SYNM: variants seen among roughly 807,000 people sequenced by gnomAD.
SYNM encodes the protein desmuslin.
A neutral mutation model predicts 104.0 loss-of-function variants in SYNM; 95 were observed. The observed-to-expected ratio is 0.91, with a 90% CI of 0.77 to 1.08. The LOEUF (loss-of-function observed/expected upper bound fraction) is 1.08. SYNM is among the 50% of genes least tolerant of loss of function. The pLI is 0.00. For synonymous variants in SYNM, 918 were observed against 869.0 expected, an observed-to-expected ratio of 1.06 and a Z score of -0.99; for missense variants, 2,150 against 2,052.2, an observed-to-expected ratio of 1.05 and a Z score of -0.92.
chr15:99,129,729 G>GTCCCCGTTTACATAGGTGA lies in SYNM; in HGVS notation c.1370_1388dup (p.Glu463AspfsTer7). Reference sequence around the variant, plus strand: ...ACCAAAAGCCGGAGATACAAGGGAGGTCCCCGTTTACATAGGTGAAGATTC... The same window carrying GTCCCCGTTTACATAGGTGA: ...ACCAAAAGCCGGAGATACAAGGGAGGTCCCCGTTTACATAGGTGATCCCCGTTTACATAGGTGAAGATTC... On this transcript the variant is annotated frameshift_variant, in exon 4 of 4. Coordinates refer to ENST00000336292, the MANE Select transcript of SYNM (RefSeq NM_145728.3). LOFTEE classifies it low-confidence loss of function (END_TRUNC). 1 of 1,613,636 alleles carries GTCCCCGTTTACATAGGTGA rather than the reference G, an allele frequency of 6.2e-7. No individual in the cohort carries two copies. Among genetic ancestry groups the GTCCCCGTTTACATAGGTGA allele is most frequent in the Non-Finnish European group, 8.5e-7 (1 of 1,179,888 alleles).
Position 99,131,888 on chromosome 15 carries a change from G to A in SYNM, c.3528G>A (p.Leu1176=), listed in dbSNP as rs782745658. ...GCCGGTCTGTGAGGCATGTCACGCT[G>A]GGTCCCGGTCAAAGTCCACTGTCCA... ...GASRSVRHVT[L]GPGQSPLSRE... The change falls in exon 4 of 4, where the codon CTG becomes CTA. Residue 1176 remains leucine, a synonymous_variant. Coordinates refer to ENST00000336292, the MANE Select transcript of SYNM (RefSeq NM_145728.3). The surrounding 1 kb of genome is among the most constrained non-coding windows in gnomAD (Gnocchi z 4.3). 1.2e-6 allele frequency: 2 copies of A among 1,613,966 alleles called. No homozygotes were observed. Among genetic ancestry groups the A allele is most frequent in the Non-Finnish European group, 1.7e-6 (2 of 1,179,892 alleles).
intron 2 of SYNM, among the ~76,000 whole-genome samples, chr15:99,116,571 T>G (rs2067351560): frequency 7.0e-6 from 1 of 143,744 alleles, no homozygotes; most frequent in Non-Finnish European, 1.5e-5. Flanking sequence ...CTGCTCCTGG[T>G]GAAGCCTCAG....
chr15:99,112,772 A>G (rs781799289), intron 1 of SYNM, among the ~76,000 whole-genome samples: 2 of 152,156 alleles, frequency 1.3e-5, no homozygotes, highest in Non-Finnish European at 2.9e-5. Flanking sequence ...GTGCAGTGGC[A>G]TGATCTTGGC....
At position 99,132,937 on chromosome 15, in the gene SYNM, T is replaced by A. The variant is rs1555486247; in HGVS notation, c.4577T>A (p.Phe1526Tyr). The A allele has an allele frequency of 6.2e-7, 1 of 1,613,730 alleles. No homozygotes were observed. Among genetic ancestry groups the A allele is most frequent in the Non-Finnish European group, 8.5e-7 (1 of 1,179,830 alleles). The change falls in exon 4 of 4, where the codon TTT (phenylalanine) becomes TAT (tyrosine). Residue 1526 changes from phenylalanine (F) to tyrosine (Y), a missense_variant. Transcript: ENST00000336292. ...GAACAGGGCAAGGAGCAGGCCATGTTTGATAAGAAGGTGCAGCTCCAGAGA... is the reference window on the plus strand; with the variant it reads ...GAACAGGGCAAGGAGCAGGCCATGTATGATAAGAAGGTGCAGCTCCAGAGA... ...HREQGKEQAM[F>Y]DKKVQLQRMV...
intron 1 of SYNM, among the ~76,000 whole-genome samples, chr15:99,108,060 C>T (rs1054568624): frequency 9.2e-5 from 14 of 151,914 alleles, no homozygotes; most frequent in South Asian, 2.1e-4. Context: ...CCGCAACATC[C>T]GCTTCCTGGG....
At chr15:99,137,502 G>A (rs12439819), downstream of SYNM, 13,463 of 152,516 alleles carry the variant, frequency 0.088, 842 homozygotes, top group East Asian at 0.33. Flanking sequence ...GAACTCTGAG[G>A]CAGGCTGCAC....
intron 1 of SYNM, among the ~76,000 whole-genome samples, chr15:99,111,860 C>G (rs537026344): frequency 4.9e-4 from 75 of 152,302 alleles, no homozygotes; most frequent in African/African-American, 1.7e-3. Flanking sequence ...TCCTGGCCAA[C>G]GTGGTGAAAC....
At position 99,130,910 on chromosome 15, in the gene SYNM, C is replaced by T. The variant is rs147921446; in HGVS notation, c.2550C>T (p.Tyr850=). 1,129 of 1,613,786 alleles carry T rather than the reference C, an allele frequency of 7.0e-4. 11 individuals carry two copies. The African/African-American group carries it at 0.013, about 19-fold the overall frequency. Residue 850 remains tyrosine, a synonymous_variant, in exon 4 of 4, where the codon TAC becomes TAT. Transcript: ENST00000336292. The part of the protein sequence containing the change: ...GGHDRDDGSV[Y]GQIHIEEEST... ...ACGACAGAGATGACGGCTCGGTGTA[C>T]GGGCAGATCCACATCGAGGAGGAAT... is the stretch of plus-strand genomic sequence containing the variant.
At chr15:99,114,805 T>A (rs2067332230) in intron 2 of SYNM, among the ~76,000 whole-genome samples, 1 of 151,742 alleles carries the variant, frequency 6.6e-6, no homozygotes, top group African/African-American at 2.4e-5. Flanking sequence ...TGCCAGTGCG[T>A]CTTTGATTGA....
intron 2 of SYNM, among the ~76,000 whole-genome samples, chr15:99,118,677 T>TG (rs1435420567): frequency 2.6e-5 from 4 of 152,244 alleles, no homozygotes; most frequent in African/African-American, 9.6e-5. Context: ...CAGAGAGACT[T>TG]GCAATTTATA....
chr15:99,139,486 G>A, downstream of SYNM: 1 of 1,586,318 alleles, frequency 6.3e-7, no homozygotes, highest in Non-Finnish European at 8.6e-7. Context: ...AGAGAAAGAT[G>A]ACCTCATTCT....
At chr15:99,111,909 A>G (rs782772804) in intron 1 of SYNM, among the ~76,000 whole-genome samples, 1 of 152,188 alleles carries the variant, frequency 6.6e-6, no homozygotes, top group Non-Finnish European at 1.5e-5. Flanking sequence ...GTTGGGCGTG[A>G]TGGCAGGCGC....
At chr15:99,119,151 T>C (rs1443702170) in intron 2 of SYNM, among the ~76,000 whole-genome samples, 3 of 152,160 alleles carry the variant, frequency 2.0e-5, no homozygotes, top group Non-Finnish European at 4.4e-5. Flanking sequence ...GGACTGCACC[T>C]GCGAATCTCC....
At chr15:99,116,427 T>A (rs1214054083) in intron 2 of SYNM, among the ~76,000 whole-genome samples, 3 of 146,260 alleles carry the variant, frequency 2.1e-5, no homozygotes, top group African/African-American at 7.3e-5. Context: ...AATTTATTAC[T>A]CATATACCTG....
intron 1 of SYNM, among the ~76,000 whole-genome samples, chr15:99,108,683 C>A (rs1555483093): frequency 6.6e-6 from 1 of 152,166 alleles, no homozygotes; most frequent in Non-Finnish European, 1.5e-5. Flanking sequence ...ATATAAGCTC[C>A]ATTTTACAGA....
At position 99,135,382 on chromosome 15, in the gene SYNM, A is replaced by G. The variant is rs891089011; in HGVS notation, c.*2324A>G. 1 of 152,618 alleles carries G rather than the reference A, an allele frequency of 6.6e-6. No homozygotes were observed. Among genetic ancestry groups the G allele is most frequent in the Non-Finnish European group, 1.5e-5 (1 of 68,026 alleles). 9.5% of individuals were successfully genotyped at this position (152,618 alleles called of 1,614,324 possible). A position where few individuals can be genotyped will look rare whatever the true frequency, so the allele number is the denominator to read the frequency against. The stretch of plus-strand genomic sequence containing the variant: ...AACTTCGTGGTTGGATGGGGCCGGA[A>G]CACAACCAGTCTTTTTGTATTTATT... On this transcript the variant is annotated 3_prime_UTR_variant, in exon 4 of 4. Transcript: ENST00000336292.
At chr15:99,110,191 A>C (rs566310648) in intron 1 of SYNM, among the ~76,000 whole-genome samples, 1 of 152,322 alleles carries the variant, frequency 6.6e-6, no homozygotes, top group African/African-American at 2.4e-5. Context: ...AACTGGAAGA[A>C]GGGACTTTCC....
chr15:99,105,110 C>A lies in SYNM; in HGVS notation c.-90C>A, dbSNP rs1483115787. ...GCGGGCCTCCGGGGCAGCGGCGAGG[C>A]CGGAGCGTCGCGGCGGAGAGGACGA... is the stretch of plus-strand genomic sequence containing the variant. On this transcript the variant is annotated 5_prime_UTR_variant, in exon 1 of 4. Transcript: ENST00000336292. 3 of 1,428,048 alleles carry A rather than the reference C, an allele frequency of 2.1e-6. No individual in the cohort carries two copies. Among genetic ancestry groups the A allele is most frequent in the Non-Finnish European group, 2.8e-6 (3 of 1,068,218 alleles). 88.5% of individuals were successfully genotyped at this position (1,428,048 alleles called of 1,614,324 possible). A position where few individuals can be genotyped will look rare whatever the true frequency, so the allele number is the denominator to read the frequency against.
chr15:99,113,810 T>G, intron 2 of SYNM, 95 bp downstream of exon 2: 1 of 1,507,198 alleles, frequency 6.6e-7, no homozygotes, highest in Non-Finnish European at 8.9e-7. Context: ...CTTTGTGGAG[T>G]CACTGTGGCT....
Sources: allele counts gnomAD v4.1 joint callset (sites outside exome capture counted in the v4.1 genomes callset), GRCh38; gene constraint gnomAD v4.1.1; non-coding constraint Gnocchi (gnomAD v3.1); transcripts MANE v1.5; gene names NCBI Gene and HGNC (gene_info 2026-07-23, HGNC 2026-07-21).